Variants in MTUS1 observed in about 807,000 individuals in gnomAD.
The protein encoded by MTUS1 is microtubule-associated tumor suppressor 1.
Under a neutral mutation model 120.8 loss-of-function variants are expected in MTUS1, and 109 were observed. The observed-to-expected ratio is 0.90, with a 90% confidence interval of 0.77 to 1.06. The LOEUF (loss-of-function observed/expected upper bound fraction) is 1.06, where lower values mean the gene tolerates loss of function less well. Ranked by LOEUF, MTUS1 falls within the 50% of genes least tolerant of loss-of-function variation. MTUS1 has a pLI of 0.00. For synonymous variants in MTUS1, 737 were observed against 550.5 expected, an observed-to-expected ratio of 1.34 and a Z score of -4.74; for missense variants, 2,210 against 1,486.3, an observed-to-expected ratio of 1.49 and a Z score of -8.01.
chr8:17,658,298 A>C (rs1808902685), intron 8 of MTUS1, among the ~76,000 whole-genome samples: 1 of 152,094 alleles, frequency 6.6e-6, no homozygotes, highest in Admixed American at 6.6e-5. Context: ...CCTCCCAGTT[A>C]ATATATTTTA....
intron 7 of MTUS1, among the ~76,000 whole-genome samples, chr8:17,681,160 C>T (rs550523580): frequency 6.6e-6 from 1 of 152,272 alleles, no homozygotes; most frequent in African/African-American, 2.4e-5. Flanking sequence ...TCTCGAACTT[C>T]TGACCTCAGG....
At chr8:17,724,220 A>T in intron 3 of MTUS1, 1 of 408,534 alleles carries the variant, frequency 2.4e-6, no homozygotes, top group Non-Finnish European at 4.7e-6. Flanking sequence ...CTAAAAAAAA[A>T]ATAATCCATT....
intron 1 of MTUS1, among the ~76,000 whole-genome samples, chr8:17,791,508 G>A (rs1352853286): frequency 6.6e-6 from 1 of 152,166 alleles, no homozygotes; most frequent in African/African-American, 2.4e-5. Flanking sequence ...ATTGTCTTTC[G>A]AATGTGCTGA....
At chr8:17,720,132 G>A (rs1277754383) in intron 4 of MTUS1, among the ~76,000 whole-genome samples, 1 of 152,130 alleles carries the variant, frequency 6.6e-6, no homozygotes, top group Non-Finnish European at 1.5e-5. Context: ...ATCACTTGTG[G>A]TTAGGAGTTC....
chr8:17,693,328 C>T (rs934361542), intron 6 of MTUS1: 1 of 152,184 alleles, frequency 6.6e-6, no homozygotes, highest in Non-Finnish European at 1.5e-5. Context: ...ACATCACGCA[C>T]AGTTCCTGAC....
intron 6 of MTUS1, among the ~76,000 whole-genome samples, chr8:17,699,753 C>T (rs1188272403): frequency 2.0e-5 from 3 of 152,210 alleles, no homozygotes; most frequent in Non-Finnish European, 1.5e-5. Context: ...CCGTGCAGCA[C>T]AAGTGCACCA....
At chr8:17,726,776 A>T (rs1223486607) in intron 3 of MTUS1, among the ~76,000 whole-genome samples, 1 of 152,162 alleles carries the variant, frequency 6.6e-6, no homozygotes, top group African/African-American at 2.4e-5. Flanking sequence ...AATTTGCCAA[A>T]TTGCCGCCCC....
intron 2 of MTUS1, among the ~76,000 whole-genome samples, chr8:17,744,196 C>T (rs1364175003): frequency 1.3e-5 from 2 of 152,186 alleles, no homozygotes; most frequent in African/African-American, 4.8e-5. Flanking sequence ...GGCAAATTTA[C>T]ATTCTGTAGA....
chr8:17,678,108 C>A (rs978275310), intron 7 of MTUS1, among the ~76,000 whole-genome samples: 2 of 152,126 alleles, frequency 1.3e-5, no homozygotes, highest in Admixed American at 6.5e-5. Context: ...GACCCCAGTG[C>A]CCATACTGTA....
chr8:17,800,504 T>G (rs1315722962), intron 1 of MTUS1: 4 of 152,086 alleles, frequency 2.6e-5, no homozygotes, highest in Admixed American at 6.5e-5. Context: ...ACAAACAACT[T>G]GGTAGAAAGG....
chr8:17,653,136 G>T, intron 12 of MTUS1, 50 bp downstream of exon 12: 1 of 1,064,530 alleles, frequency 9.4e-7, no homozygotes, highest in Non-Finnish European at 1.4e-6. Flanking sequence ...ACTCTAAAAG[G>T]CAACTGAGAA....
chr8:17,759,618 CTCTT>C (rs1028711011), intron 1 of MTUS1, among the ~76,000 whole-genome samples: 25 of 145,174 alleles, frequency 1.7e-4, no homozygotes, highest in East Asian at 1.0e-3. Flanking sequence ...TATAAAAGTT[CTCTT>C]TCTTTTTATA....
At chr8:17,756,994 G>A (rs1454460496) in intron 1 of MTUS1, among the ~76,000 whole-genome samples, 5 of 152,136 alleles carry the variant, frequency 3.3e-5, no homozygotes, top group East Asian at 1.9e-4. Flanking sequence ...TATGGTGGCC[G>A]AAGAAGACTT....
At chr8:17,747,491 C>T (rs2047856405) in intron 2 of MTUS1, among the ~76,000 whole-genome samples, 1 of 152,166 alleles carries the variant, frequency 6.6e-6, no homozygotes, top group African/African-American at 2.4e-5. Flanking sequence ...AAATTCTAGG[C>T]AGACGGGGGC....
intron 3 of MTUS1, chr8:17,724,217 A>G (rs2046053671): frequency 2.4e-6 from 1 of 410,124 alleles, no homozygotes; most frequent in Admixed American, 3.4e-5. Flanking sequence ...TGACTAAAAA[A>G]AAAATAATCC....
chr8:17,697,636 G>A, intron 6 of MTUS1: 1 of 1,216,552 alleles, frequency 8.2e-7, no homozygotes, highest in East Asian at 4.0e-5. Context: ...CCCTCCTGCA[G>A]GTCTAGAAGC....
chr8:17,651,356 TC>T (rs1453318053), intron 12 of MTUS1, among the ~76,000 whole-genome samples: 5 of 151,948 alleles, frequency 3.3e-5, no homozygotes, highest in Non-Finnish European at 2.9e-5. Flanking sequence ...TATAAAATGT[TC>T]CAAACACAAA....
chr8:17,688,942 T>C lies in MTUS1; in HGVS notation c.2624-4400A>G, dbSNP rs546823604. 2.0e-5 allele frequency among the ~76,000 whole-genome samples: 3 copies of C among 152,284 alleles called. No individual in the cohort carries two copies. The East Asian group carries it at 5.8e-4, about 29-fold the overall frequency. On this transcript the variant is annotated intron_variant, in intron 6 of 14. Transcript: ENST00000693296. ...ATTACCCAAGCCAGGCCGGGTGCGGTGGCTCACACCTGTAATCCCAACATT... is the reference window on the plus strand; with the variant it reads ...ATTACCCAAGCCAGGCCGGGTGCGGCGGCTCACACCTGTAATCCCAACATT...
intron 1 of MTUS1, among the ~76,000 whole-genome samples, chr8:17,767,836 T>A (rs148847795): frequency 6.6e-6 from 1 of 151,736 alleles, no homozygotes; most frequent in Non-Finnish European, 1.5e-5. Context: ...CTGAGAGCAA[T>A]GGGAGTCTGC....
Sources: gnomAD v4.1 joint callset for allele counts (sites outside exome capture counted in the v4.1 genomes callset) on GRCh38, gnomAD v4.1.1 for gene constraint, MANE v1.5 for transcripts, NCBI Gene and HGNC (gene_info 2026-07-23, HGNC 2026-07-21) for gene names.